The following EYS variants were observed in gnomAD, a reference collection of about 807,000 sequenced individuals.
The protein encoded by EYS is protein eyes shut homolog.
A neutral mutation model predicts 282.1 loss-of-function variants in EYS; 250 were observed. The ratio of observed to expected loss-of-function variants is 0.89; its 90% confidence interval spans 0.80 to 0.98. The LOEUF is 0.98. Among genes scored for constraint, EYS ranks in the 50% least tolerant of loss-of-function variants. The pLI is 0.00. For missense variants in EYS, 4,016 were observed against 3,709.0 expected (o/e 1.08, Z -2.15); for synonymous variants, 1,355 against 1,282.9 (o/e 1.06, Z -1.20).
intron 23 of EYS, among the ~76,000 whole-genome samples, chr6:64,625,715 G>A (rs958945567): frequency 7.9e-5 from 12 of 152,142 alleles, no homozygotes; most frequent in African/African-American, 2.7e-4. Context: ...AAGAAAACAA[G>A]TTTATTCAGC....
chr6:65,107,800 C>A (rs936102920), intron 12 of EYS, among the ~76,000 whole-genome samples: 38 of 151,880 alleles, frequency 2.5e-4, no homozygotes, highest in African/African-American at 8.9e-4. Context: ...AAGTCTGCCA[C>A]TTTATTTTTT....
At chr6:65,604,175 T>A (rs115190671) in intron 2 of EYS, among the ~76,000 whole-genome samples, 1 of 151,974 alleles carries the variant, frequency 6.6e-6, no homozygotes, top group Non-Finnish European at 1.5e-5. Flanking sequence ...TTAATACTCA[T>A]GAACAATGTG....
intron 18 of EYS, among the ~76,000 whole-genome samples, chr6:64,896,469 C>T (rs75956146): frequency 2.0e-5 from 3 of 152,108 alleles, no homozygotes; most frequent in Non-Finnish European, 4.4e-5. Flanking sequence ...GGTGCCTACA[C>T]CACAAGGGCA....
intron 14 of EYS, among the ~76,000 whole-genome samples, chr6:64,989,118 C>T (rs1770962786): frequency 6.6e-6 from 1 of 151,000 alleles, no homozygotes; most frequent in Non-Finnish European, 1.5e-5. Flanking sequence ...TGTAACAATT[C>T]CACAGAGTAC....
At chr6:65,024,881 A>G (rs984812206) in intron 13 of EYS, among the ~76,000 whole-genome samples, 4 of 152,206 alleles carry the variant, frequency 2.6e-5, no homozygotes, top group African/African-American at 9.6e-5. Context: ...ATCATCAGTC[A>G]AATGATTAGT....
chr6:63,829,608 C>A (rs1234142321), intron 36 of EYS, among the ~76,000 whole-genome samples: 6 of 152,224 alleles, frequency 3.9e-5, no homozygotes, highest in Non-Finnish European at 5.9e-5. Context: ...AGGAGGCCTG[C>A]CTGCCTCTGT....
chr6:64,295,464 A>G (rs189798144), intron 30 of EYS, among the ~76,000 whole-genome samples: 2,064 of 28,486 alleles, frequency 0.072, no homozygotes, highest in Middle Eastern at 0.11. Context: ...GAAGAAGAAG[A>G]AGAAGAAGAA....
intron 22 of EYS, among the ~76,000 whole-genome samples, chr6:64,700,548 T>A (rs751944725): frequency 6.6e-6 from 1 of 151,796 alleles, no homozygotes; most frequent in Non-Finnish European, 1.5e-5. Context: ...CAAATGAAAA[T>A]CAACAAAAAT....
intron 10 of EYS, among the ~76,000 whole-genome samples, chr6:65,338,493 G>A (rs1041908512): frequency 6.6e-6 from 1 of 150,928 alleles, no homozygotes; most frequent in Non-Finnish European, 1.5e-5. Context: ...CATCAAACAT[G>A]TTAACAAATT....
chr6:65,344,968 T>C (rs994298649), intron 9 of EYS, among the ~76,000 whole-genome samples: 1 of 151,722 alleles, frequency 6.6e-6, no homozygotes, highest in Non-Finnish European at 1.5e-5. Context: ...TATCTCTGGC[T>C]TTGGATTGCT....
chr6:65,206,780 A>G (rs879320531), intron 12 of EYS, among the ~76,000 whole-genome samples: 3 of 151,890 alleles, frequency 2.0e-5, no homozygotes, highest in Admixed American at 2.0e-4. Flanking sequence ...AAACCATTTG[A>G]TTGTCTTAAT....
chr6:64,462,921 T>G (rs1332440199), intron 26 of EYS, among the ~76,000 whole-genome samples: 2 of 151,540 alleles, frequency 1.3e-5, no homozygotes, highest in Non-Finnish European at 2.9e-5. Flanking sequence ...TGCTTTCAAG[T>G]ATAGCTTATT....
intron 34 of EYS, among the ~76,000 whole-genome samples, chr6:63,991,469 G>A (rs1767598800): frequency 6.6e-6 from 1 of 151,638 alleles, no homozygotes; most frequent in Admixed American, 6.6e-5. Context: ...GGAGAGAAAA[G>A]TGATGCTGAA....
rs1562081585 is a variant in EYS at position 64,593,318 on chromosome 6, G to T, written c.3685-9C>A. ...AGCCCAATGGAGCAGGTCTGCAAAT[G>T]ACAATTACAGTAATTAAATTAAGCT... On this transcript the variant is annotated splice_polypyrimidine_tract_variant and intron_variant, in intron 24 of 42. Coordinates refer to ENST00000503581, the MANE Select transcript of EYS (RefSeq NM_001142800.2). The T allele has an allele frequency of 2.0e-6, 3 of 1,534,732 alleles. No individual in the cohort carries two copies. In the Admixed American group the frequency reaches 6.2e-5, roughly 32 times the overall value.
At position 65,190,445 on chromosome 6, in the gene EYS, A is replaced by G. The variant is rs1232948573; in HGVS notation, c.2023+105418T>C. ...GGTTTCTAAGATACATTAAAATTTG[A>G]AAATATAATGGGCCTATAAAATTTT... On this transcript the variant is annotated intron_variant, in intron 12 of 42. Transcript: ENST00000503581. Among the ~76,000 whole-genome samples the G allele has an allele frequency of 2.0e-5, 3 of 151,342 alleles. No homozygotes were observed. In the East Asian group the frequency reaches 5.9e-4, roughly 30 times the overall value.
chr6:64,343,869 G>A (rs1473278602), intron 29 of EYS, among the ~76,000 whole-genome samples: 2 of 152,060 alleles, frequency 1.3e-5, no homozygotes, highest in African/African-American at 4.8e-5. Context: ...AAATGATAAA[G>A]GGGATATCAC....
chr6:63,917,556 C>T (rs932952368), intron 35 of EYS, among the ~76,000 whole-genome samples: 7 of 152,108 alleles, frequency 4.6e-5, no homozygotes, highest in Non-Finnish European at 1.0e-4. Flanking sequence ...TTTTAAAATC[C>T]GTTTAGATAA....
chr6:65,081,053 T>A (rs1268314633), intron 12 of EYS, among the ~76,000 whole-genome samples: 1 of 152,132 alleles, frequency 6.6e-6, no homozygotes, highest in Non-Finnish European at 1.5e-5. Context: ...ACAGCTGTAA[T>A]CTTCAAATAC....
intron 29 of EYS, among the ~76,000 whole-genome samples, chr6:64,376,344 C>G (rs901587824): frequency 3.9e-5 from 6 of 152,072 alleles, no homozygotes; most frequent in Non-Finnish European, 5.9e-5. Flanking sequence ...AAGATACAGA[C>G]AAAATGGGGT....
Sources: gnomAD v4.1 joint callset for allele counts (sites outside exome capture counted in the v4.1 genomes callset) on GRCh38, gnomAD v4.1.1 for gene constraint, MANE v1.5 for transcripts, NCBI Gene and HGNC (gene_info 2026-07-23, HGNC 2026-07-21) for gene names.